Variants in STXBP4 observed in about 807,000 individuals in gnomAD.
The protein encoded by STXBP4 is syntaxin-binding protein 4.
Under a neutral mutation model 76.1 loss-of-function variants are expected in STXBP4, and 55 were observed. The ratio of observed to expected loss-of-function variants is 0.72; its 90% CI spans 0.58 to 0.91. STXBP4 has a LOEUF of 0.91. STXBP4 is among the 40% of genes least tolerant of loss of function. STXBP4 has a pLI of 0.00. For synonymous variants in STXBP4, 201 were observed against 220.2 expected, an observed-to-expected ratio of 0.91 and a Z score of 0.77; for missense variants, 618 against 636.9, an observed-to-expected ratio of 0.97 and a Z score of 0.32.
intron 12 of STXBP4, among the ~76,000 whole-genome samples, chr17:55,071,156 G>A (rs1156594767): frequency 6.6e-6 from 1 of 152,010 alleles, no homozygotes; most frequent in Non-Finnish European, 1.5e-5. Flanking sequence ...TCTCAACACA[G>A]CAGCAAAAGT....
chr17:55,125,156 A>C (rs1415590019), intron 16 of STXBP4, among the ~76,000 whole-genome samples: 1 of 152,178 alleles, frequency 6.6e-6, no homozygotes, highest in Non-Finnish European at 1.5e-5. Flanking sequence ...TTCATGTGTG[A>C]AAGAAAGGTC....
At chr17:55,093,003 T>G (rs1409124344) in intron 16 of STXBP4, among the ~76,000 whole-genome samples, 1 of 152,114 alleles carries the variant, frequency 6.6e-6, no homozygotes, top group Non-Finnish European at 1.5e-5. Flanking sequence ...TTTTTGTTTT[T>G]TGTTTTTTGG....
intron 8 of STXBP4, among the ~76,000 whole-genome samples, chr17:55,025,103 T>A (rs112229001): frequency 6.6e-6 from 1 of 152,042 alleles, no homozygotes; most frequent in Admixed American, 6.6e-5. Flanking sequence ...ATCTCACCAC[T>A]GTACTCCAGC....
chr17:55,210,918 C>T, the STXBP4 span, among the ~76,000 whole-genome samples: 2,116 of 152,204 alleles, frequency 0.014, 45 homozygotes, highest in African/African-American at 0.048. Flanking sequence ...TAAGAGTTCC[C>T]TTTCGTTGTT....
intron 1 of STXBP4, among the ~76,000 whole-genome samples, chr17:54,972,505 T>C (rs1337043260): frequency 1.3e-5 from 2 of 152,232 alleles, no homozygotes; most frequent in Non-Finnish European, 2.9e-5. Context: ...AATTTATTAC[T>C]ATTATTTTTT....
At chr17:55,153,743 C>T (rs1339657728) in intron 17 of STXBP4, among the ~76,000 whole-genome samples, 2 of 152,144 alleles carry the variant, frequency 1.3e-5, no homozygotes, top group Non-Finnish European at 2.9e-5. Context: ...ATTTTATGCA[C>T]TTCTACTCGC....
In STXBP4 at chr17:55,043,495, T is replaced by C. The variant is rs1229568832; in HGVS notation, c.945+170T>C. 3 of 895,672 alleles carry C rather than the reference T, an allele frequency of 3.3e-6. No homozygotes were observed. The Admixed American group carries it at 9.4e-5, about 28-fold the overall frequency. 55.5% of individuals were successfully genotyped at this position (895,672 alleles called of 1,614,324 possible). The stretch of plus-strand genomic sequence containing the variant: ...ATTCAGTTGGCCTTTAGAGAATTAA[T>C]TTTTGGTCTACATATTTATATTTCA... On this transcript the variant is annotated intron_variant, in intron 11 of 17. Coordinates refer to ENST00000376352, the MANE Select transcript of STXBP4 (RefSeq NM_178509.6).
At chr17:55,014,375 G>A (rs2078168192) in intron 8 of STXBP4, among the ~76,000 whole-genome samples, 1 of 152,168 alleles carries the variant, frequency 6.6e-6, no homozygotes. Context: ...TCCCTAACAA[G>A]GGAGTGGGGC....
At chr17:55,137,767 CATT>C (rs2080048893) in intron 16 of STXBP4, among the ~76,000 whole-genome samples, 1 of 152,056 alleles carries the variant, frequency 6.6e-6, no homozygotes, top group African/African-American at 2.4e-5. Flanking sequence ...AATGTTAACT[CATT>C]ATTATTAGCA....
the STXBP4 span, among the ~76,000 whole-genome samples, chr17:55,199,198 C>A: frequency 6.6e-6 from 1 of 152,184 alleles, no homozygotes; most frequent in Admixed American, 6.5e-5. Flanking sequence ...CCAGATGAAT[C>A]AAATGTCCAA....
At chr17:55,027,823 A>C (rs1175652635) in intron 8 of STXBP4, among the ~76,000 whole-genome samples, 1 of 152,200 alleles carries the variant, frequency 6.6e-6, no homozygotes, top group African/African-American at 2.4e-5. Flanking sequence ...GAAATACCAT[A>C]TCCATATTGT....
At chr17:55,193,249 T>C in the STXBP4 span, among the ~76,000 whole-genome samples, 1 of 152,164 alleles carries the variant, frequency 6.6e-6, no homozygotes, top group Middle Eastern at 3.4e-3. Context: ...AACAGAGACC[T>C]GAGAGGTAGA....
chr17:55,067,201 G>T (rs1362633187), intron 12 of STXBP4, among the ~76,000 whole-genome samples: 1 of 152,116 alleles, frequency 6.6e-6, no homozygotes, highest in African/African-American at 2.4e-5. Context: ...GGGCAGTCAA[G>T]ACCCTTTGAT....
chr17:55,075,409 A>G (rs2079169791), intron 13 of STXBP4, among the ~76,000 whole-genome samples: 1 of 152,112 alleles, frequency 6.6e-6, no homozygotes, highest in Admixed American at 6.6e-5. Flanking sequence ...GTGTGGATAT[A>G]CTACGTGTAA....
At chr17:55,022,641 CG>C (rs1487802510) in intron 8 of STXBP4, among the ~76,000 whole-genome samples, 2 of 152,036 alleles carry the variant, frequency 1.3e-5, no homozygotes, top group East Asian at 3.9e-4. Flanking sequence ...TTGATAGTCA[CG>C]GAAGAGCTGT....
chr17:55,055,744 C>CT (rs2144798141), intron 12 of STXBP4, among the ~76,000 whole-genome samples: 1 of 152,312 alleles, frequency 6.6e-6, no homozygotes, highest in South Asian at 2.1e-4. Context: ...CCCTCCACCC[C>CT]TTTACTCATT....
the STXBP4 span, among the ~76,000 whole-genome samples, chr17:55,213,245 G>T: frequency 6.6e-6 from 1 of 152,300 alleles, no homozygotes; most frequent in East Asian, 1.9e-4. Context: ...CAGGTGTGTG[G>T]CTCATGCCTG....
chr17:55,130,251 C>G (rs1027080649), intron 16 of STXBP4, among the ~76,000 whole-genome samples: 1 of 152,194 alleles, frequency 6.6e-6, no homozygotes, highest in Non-Finnish European at 1.5e-5. Flanking sequence ...GACTTTCAAC[C>G]TACAGAACTT....
At chr17:54,998,016 C>T (rs984834138) in intron 4 of STXBP4, among the ~76,000 whole-genome samples, 1 of 152,080 alleles carries the variant, frequency 6.6e-6, no homozygotes, top group Non-Finnish European at 1.5e-5. Context: ...AGATATGTTT[C>T]TATAAAATCC....
Sources: gnomAD v4.1 joint callset for allele counts (sites outside exome capture counted in the v4.1 genomes callset) on GRCh38, gnomAD v4.1.1 for gene constraint, MANE v1.5 for transcripts, NCBI Gene and HGNC (gene_info 2026-07-23, HGNC 2026-07-21) for gene names.